The following CELF2 variants were observed in gnomAD, a reference collection of about 807,000 sequenced individuals.
The protein encoded by CELF2 is CUGBP Elav-like family member 2, also known as CUG triplet repeat RNA-binding protein 2.
In CELF2, 8 loss-of-function variants were observed where a neutral mutation model predicts 62.6. That is an observed-to-expected ratio of 0.13 (90% CI 0.07 to 0.23). The LOEUF is 0.23. Ranked by LOEUF, CELF2 falls within the 10% of genes least tolerant of loss-of-function variation. The pLI is 1.00. For synonymous variants in CELF2, 258 were observed against 250.0 expected (o/e 1.03, Z -0.30); for missense variants, 333 against 671.0 (o/e 0.50, Z 5.56).
intron 2 of CELF2, among the ~76,000 whole-genome samples, chr10:11,183,780 G>T (rs763491956): frequency 2.0e-5 from 3 of 152,050 alleles, no homozygotes; most frequent in Non-Finnish European, 4.4e-5. Flanking sequence ...TTGGGTTATT[G>T]CCTTATTGTT....
the CELF2 span, among the ~76,000 whole-genome samples, chr10:10,479,705 G>A: frequency 6.6e-6 from 1 of 152,036 alleles, no homozygotes; most frequent in Non-Finnish European, 1.5e-5. Context: ...AGGGGACTTT[G>A]GACACGTCAT....
the CELF2 span, among the ~76,000 whole-genome samples, chr10:10,463,222 A>G: frequency 6.6e-6 from 1 of 152,172 alleles, no homozygotes; most frequent in African/African-American, 2.4e-5. Flanking sequence ...TGTTCCTCAA[A>G]AGGACAAATT....
chr10:11,200,542 G>T (rs1172698318), intron 2 of CELF2, among the ~76,000 whole-genome samples: 1 of 152,222 alleles, frequency 6.6e-6, no homozygotes, highest in African/African-American at 2.4e-5. Context: ...TGCTACCTGG[G>T]TACCAAGAGG....
rs774476335 is a variant in CELF2 at position 11,302,564 on chromosome 10, G to A, written c.977-11575G>A. Among the ~76,000 whole-genome samples, 3 of 152,138 alleles carry A rather than the reference G, an allele frequency of 2.0e-5. No individual in the cohort carries two copies. The highest frequency in any genetic ancestry group is 4.4e-5 in the Non-Finnish European group (3 of 68,020). On this transcript the variant is annotated intron_variant, in intron 9 of 12. Transcript: ENST00000633077. The surrounding 1 kb of genome is among the most constrained non-coding windows in gnomAD (Gnocchi z 5.0). ...TGACCAAATGGCCTGCAGAGCATCC[G>A]CAGCCCAGGGCCCTGGGCCAAAGGG... is the stretch of plus-strand genomic sequence containing the variant.
At chr10:10,815,470 A>G (rs2056364625) in intron 1 of CELF2, among the ~76,000 whole-genome samples, 1 of 152,008 alleles carries the variant, frequency 6.6e-6, no homozygotes, top group Non-Finnish European at 1.5e-5. Flanking sequence ...AGAGAATAAA[A>G]CCTGTTTGCC....
At chr10:10,933,810 T>C (rs1452505631) in intron 2 of CELF2, among the ~76,000 whole-genome samples, 1 of 152,242 alleles carries the variant, frequency 6.6e-6, no homozygotes, top group African/African-American at 2.4e-5. Context: ...TTCTATTGTG[T>C]ATATATACCA....
chr10:10,895,170 CAA>C (rs1344871224), intron 1 of CELF2, among the ~76,000 whole-genome samples: 1 of 152,152 alleles, frequency 6.6e-6, no homozygotes, highest in Non-Finnish European at 1.5e-5. Flanking sequence ...CCCAGGAGAT[CAA>C]ACCCCTGAGC....
chr10:11,099,479 G>T (rs2050836987), intron 1 of CELF2, among the ~76,000 whole-genome samples: 1 of 152,022 alleles, frequency 6.6e-6, no homozygotes, highest in Non-Finnish European at 1.5e-5. Flanking sequence ...CTGTTCGTTG[G>T]CTCTTTACGA....
the CELF2 span, among the ~76,000 whole-genome samples, chr10:10,622,771 C>G: frequency 3.3e-5 from 5 of 151,944 alleles, no homozygotes; most frequent in Non-Finnish European, 7.4e-5. Context: ...GATTGTGGAC[C>G]TGGCTTTGGA....
chr10:11,061,490 C>A (rs1316717886), intron 1 of CELF2, among the ~76,000 whole-genome samples: 2 of 152,210 alleles, frequency 1.3e-5, no homozygotes, highest in African/African-American at 2.4e-5. Flanking sequence ...TCCAGAAGAC[C>A]TAGCAAGATC....
chr10:10,706,166 C>G, the CELF2 span, among the ~76,000 whole-genome samples: 3 of 152,164 alleles, frequency 2.0e-5, no homozygotes, highest in Non-Finnish European at 2.9e-5. Context: ...GTATATGATG[C>G]TTCTTTCAGG....
At chr10:10,572,336 C>CT in the CELF2 span, among the ~76,000 whole-genome samples, 24,678 of 107,260 alleles carry the variant, frequency 0.23, 2,330 homozygotes, top group South Asian at 0.36. Flanking sequence ...TTGGTTTTTT[C>CT]TTTTTTTTTT....
the CELF2 span, among the ~76,000 whole-genome samples, chr10:10,577,670 C>T: frequency 1.3e-5 from 2 of 151,946 alleles, no homozygotes; most frequent in Non-Finnish European, 2.9e-5. Flanking sequence ...TCATCCATGT[C>T]CCTATAAAGG....
At chr10:10,994,551 T>C (rs2053754265) in intron 2 of CELF2, among the ~76,000 whole-genome samples, 1 of 152,216 alleles carries the variant, frequency 6.6e-6, no homozygotes, top group South Asian at 2.1e-4. Flanking sequence ...ATTGCTTGCA[T>C]TACTGCTTGA....
At chr10:10,473,179 G>A in the CELF2 span, among the ~76,000 whole-genome samples, 1 of 152,034 alleles carries the variant, frequency 6.6e-6, no homozygotes, top group South Asian at 2.1e-4. Flanking sequence ...GGAGTAAGCT[G>A]GGCCCCTAAT....
chr10:10,882,179 T>A (rs183005501), intron 1 of CELF2, among the ~76,000 whole-genome samples: 2 of 152,332 alleles, frequency 1.3e-5, no homozygotes, highest in African/African-American at 2.4e-5. Flanking sequence ...ACTCATGATT[T>A]CATTCTTGTA....
chr10:11,053,411 A>G (rs925437453), intron 1 of CELF2, among the ~76,000 whole-genome samples: 6 of 152,154 alleles, frequency 3.9e-5, no homozygotes, highest in Non-Finnish European at 5.9e-5. Context: ...TAAGGAATCA[A>G]AATGCATTCA....
chr10:10,638,457 GTCCA>G, the CELF2 span, among the ~76,000 whole-genome samples: 1 of 152,198 alleles, frequency 6.6e-6, no homozygotes, highest in Non-Finnish European at 1.5e-5. Context: ...CTGTGAGCTA[GTCCA>G]TACAGTATCT....
chr10:10,811,189 A>G (rs2055846846), intron 1 of CELF2, among the ~76,000 whole-genome samples: 1 of 152,240 alleles, frequency 6.6e-6, no homozygotes, highest in African/African-American at 2.4e-5. Flanking sequence ...TCTGAGTCAC[A>G]GCAGCAGATA....
Sources: allele counts gnomAD v4.1 joint callset (sites outside exome capture counted in the v4.1 genomes callset), GRCh38; gene constraint gnomAD v4.1.1; non-coding constraint Gnocchi (gnomAD v3.1); transcripts MANE v1.5; gene names NCBI Gene and HGNC (gene_info 2026-07-23, HGNC 2026-07-21).